MYO5A: variants seen among roughly 807,000 people sequenced by gnomAD.
MYO5A encodes the protein myosin VA.
In MYO5A, 98 loss-of-function variants were observed where a neutral mutation model predicts 249.7. That is an observed-to-expected ratio of 0.39 (90% CI 0.33 to 0.46). The LOEUF (loss-of-function observed/expected upper bound fraction) is 0.46. Among genes scored for constraint, MYO5A ranks in the 20% least tolerant of loss-of-function variants. The pLI is 0.98. For synonymous variants in MYO5A, 778 were observed against 810.6 expected (o/e 0.96, Z 0.68); for missense variants, 1,696 against 2,308.8 (o/e 0.73, Z 5.44).
chr15:52,502,922 G>A (rs1203744307), intron 1 of MYO5A, among the ~76,000 whole-genome samples: 1 of 152,158 alleles, frequency 6.6e-6, no homozygotes, highest in Admixed American at 6.5e-5. Context: ...AATAAGCCAG[G>A]CACAGAAAGA....
chr15:52,507,803 C>CAAA lies in MYO5A; in HGVS notation c.27+20976_27+20977insTTT, dbSNP rs146846192. 1.3e-3 allele frequency among the ~76,000 whole-genome samples: 166 copies of CAAA among 127,206 alleles called. 3 individuals are homozygous for CAAA. Among genetic ancestry groups the CAAA allele is most frequent in the African/African-American group, 5.0e-3 (156 of 31,514 alleles). The allele number at this position is 127,206 out of a possible 152,430, so 83.5% of individuals were successfully genotyped here. On this transcript the variant is annotated intron_variant, in intron 1 of 41. Coordinates refer to ENST00000399233, the MANE Select transcript of MYO5A (RefSeq NM_001382347.1). ...TGAGCAACAGAATGAGACCCTGTCC[C>CAAA]CAAAAAAAAAAAAAAAAAGTGTAAT...
intron 3 of MYO5A, 96 bp downstream of exon 3, chr15:52,428,302 C>T: frequency 7.5e-7 from 1 of 1,332,836 alleles, no homozygotes; most frequent in Non-Finnish European, 1.1e-6. Context: ...AGAGAAAATC[C>T]AACCACAGCC....
intron 1 of MYO5A, among the ~76,000 whole-genome samples, chr15:52,507,854 A>G (rs1036316960): frequency 2.0e-5 from 3 of 151,452 alleles, no homozygotes; most frequent in African/African-American, 4.9e-5. Flanking sequence ...TAGGGCTACC[A>G]CTTTTTTAAA....
At chr15:52,337,744 T>G in intron 33 of MYO5A, 66 bp downstream of exon 33, 1 of 1,202,470 alleles carries the variant, frequency 8.3e-7, no homozygotes, top group Non-Finnish European at 1.2e-6. Context: ...AGCAGTGTGC[T>G]CTTCAGTTAC....
rs765081995 is a variant in MYO5A, at chr15:52,387,797, T to A, written c.1752+32A>T. ...TTAAAAAGCTAATGCTTTGCATACA[T>A]CCTGGATTAGAGTAAGCCTATCCAT... On this transcript the variant is annotated intron_variant, in intron 14 of 41. Coordinates refer to ENST00000399233, the MANE Select transcript of MYO5A (RefSeq NM_001382347.1). 2.8e-5 allele frequency: 40 copies of A among 1,443,204 alleles called. No homozygotes were observed. In the East Asian group the frequency reaches 8.6e-4, roughly 31 times the overall value. The allele number at this position is 1,443,204 out of a possible 1,614,324, so 89.4% of individuals were successfully genotyped here.
At chr15:52,458,770 A>AAAAAAC (rs1555456262) in intron 1 of MYO5A, among the ~76,000 whole-genome samples, 2 of 151,952 alleles carry the variant, frequency 1.3e-5, no homozygotes, top group African/African-American at 2.4e-5. Flanking sequence ...ATATAAAAAC[A>AAAAAAC]AAAAACAAAA....
chr15:52,361,116 G>T (rs1259947613), intron 24 of MYO5A, among the ~76,000 whole-genome samples: 1 of 152,194 alleles, frequency 6.6e-6, no homozygotes, highest in South Asian at 2.1e-4. Context: ...ACTGCAATGT[G>T]AAGGGAAGAT....
chr15:52,490,527 G>A (rs917392011), intron 1 of MYO5A, among the ~76,000 whole-genome samples: 3 of 152,254 alleles, frequency 2.0e-5, no homozygotes, highest in East Asian at 1.9e-4. Flanking sequence ...AGCCAGTCAT[G>A]AAAAGACAAA....
intron 24 of MYO5A, 124 bp downstream of exon 24, chr15:52,364,430 G>T (rs1596347516): frequency 2.3e-6 from 2 of 883,326 alleles, no homozygotes; most frequent in East Asian, 2.7e-5. Context: ...GTGAATATGT[G>T]TTGAACATTC....
At position 52,307,616 on chromosome 15, in the gene MYO5A, T is replaced by C. The variant is rs2037661224; in HGVS notation, c.*6080A>G. ...CTTTTTAATGGGTAAATGTTTCACC[T>C]AAGAACTTTCAAAAAATTGTATCAA... On this transcript the variant is annotated 3_prime_UTR_variant, in exon 42 of 42. Transcript: ENST00000399233. 1 of 152,142 alleles carries C rather than the reference T, an allele frequency of 6.6e-6. No individual in the cohort carries two copies. The highest frequency in any genetic ancestry group is 1.9e-4 in the East Asian group (1 of 5,200). 9.4% of individuals were successfully genotyped at this position (152,142 alleles called of 1,614,324 possible). A position where few individuals can be genotyped will look rare whatever the true frequency, so the allele number is the denominator to read the frequency against.
At chr15:52,349,308 C>T (rs948082834) in intron 28 of MYO5A, among the ~76,000 whole-genome samples, 4 of 152,276 alleles carry the variant, frequency 2.6e-5, no homozygotes, top group Admixed American at 6.5e-5. Flanking sequence ...TCACCACTGC[C>T]CTGCAATGGA....
At chr15:52,454,532 C>A (rs1390320165) in intron 1 of MYO5A, among the ~76,000 whole-genome samples, 1 of 152,058 alleles carries the variant, frequency 6.6e-6, no homozygotes, top group African/African-American at 2.4e-5. Flanking sequence ...GAACATTTCA[C>A]CCATTTGCAG....
chr15:52,473,648 A>G (rs1370948095), intron 1 of MYO5A, among the ~76,000 whole-genome samples: 2 of 152,208 alleles, frequency 1.3e-5, no homozygotes, highest in African/African-American at 2.4e-5. Flanking sequence ...TAATTAAACA[A>G]GGAATCCTTT....
At chr15:52,358,374 T>C (rs1040016117) in intron 25 of MYO5A, among the ~76,000 whole-genome samples, 3 of 152,294 alleles carry the variant, frequency 2.0e-5, no homozygotes, top group Admixed American at 2.0e-4. Context: ...TCCTATCTAC[T>C]GAAGGCTCAG....
chr15:52,353,780 G>A, intron 26 of MYO5A, 91 bp downstream of exon 26: 1 of 1,604,760 alleles, frequency 6.2e-7, no homozygotes, highest in Admixed American at 1.7e-5. Context: ...GTGGTGCTTG[G>A]ATAGGCTGGG....
At chr15:52,422,284 C>T (rs2075296069) in intron 4 of MYO5A, among the ~76,000 whole-genome samples, 1 of 152,224 alleles carries the variant, frequency 6.6e-6, no homozygotes, top group African/African-American at 2.4e-5. Flanking sequence ...GCTGATGTCA[C>T]TGGACATAGA....
intron 2 of MYO5A, among the ~76,000 whole-genome samples, chr15:52,428,782 G>A (rs900323596): frequency 9.2e-5 from 14 of 152,140 alleles, no homozygotes; most frequent in Admixed American, 8.5e-4. Flanking sequence ...AACAATTTTT[G>A]CTAATATACT....
chr15:52,347,145 A>T (rs1438690525), intron 29 of MYO5A, among the ~76,000 whole-genome samples: 1 of 152,054 alleles, frequency 6.6e-6, no homozygotes, highest in Non-Finnish European at 1.5e-5. Context: ...TTTTCTTTTT[A>T]ATTTTCTCCG....
chr15:52,480,048 C>G (rs1365762195), intron 1 of MYO5A, among the ~76,000 whole-genome samples: 1 of 152,244 alleles, frequency 6.6e-6, no homozygotes, highest in African/African-American at 2.4e-5. Context: ...GCTGTCTCCT[C>G]TCTCCCAAAC....
Sources: allele counts gnomAD v4.1 joint callset (sites outside exome capture counted in the v4.1 genomes callset), GRCh38; gene constraint gnomAD v4.1.1; transcripts MANE v1.5; gene names NCBI Gene and HGNC (gene_info 2026-07-23, HGNC 2026-07-21).